C12orf50: variants seen among roughly 807,000 people sequenced by gnomAD.
C12orf50 encodes the protein zinc finger CCCH-type containing 11D, also known as uncharacterized protein C12orf50.
C12orf50 carries 35 observed loss-of-function variants against 61.6 expected under a neutral mutation model. The ratio of observed to expected loss-of-function variants is 0.57; its 90% confidence interval spans 0.43 to 0.75. The LOEUF is 0.75. Among genes scored for constraint, C12orf50 ranks in the 30% least tolerant of loss-of-function variants. The pLI, the probability that C12orf50 is intolerant of heterozygous loss-of-function variation, is 0.00. For synonymous variants in C12orf50, 178 were observed against 161.5 expected, an observed-to-expected ratio of 1.10 and a Z score of -0.77; for missense variants, 475 against 488.5, an observed-to-expected ratio of 0.97 and a Z score of 0.26.
intron 1 of C12orf50, among the ~76,000 whole-genome samples, chr12:88,028,479 G>A (rs2032786501): frequency 6.6e-6 from 1 of 152,006 alleles, no homozygotes; most frequent in Non-Finnish European, 1.5e-5. Flanking sequence ...ATACATTGGA[G>A]GAATTCTCAG....
At chr12:87,991,404 G>A (rs559184608) in intron 7 of C12orf50, among the ~76,000 whole-genome samples, 25 of 152,136 alleles carry the variant, frequency 1.6e-4, no homozygotes, top group African/African-American at 5.5e-4. Context: ...TCAAAATAGA[G>A]AACTGATGGA....
chr12:88,024,882 G>T (rs1462756073), intron 3 of C12orf50, among the ~76,000 whole-genome samples: 1 of 152,132 alleles, frequency 6.6e-6, no homozygotes, highest in East Asian at 1.9e-4. Context: ...TCCTGCTCGT[G>T]GTTCAAGTTA....
chr12:87,996,334 T>C (rs1321042188), intron 6 of C12orf50, 40 bp downstream of exon 6: 6 of 1,323,016 alleles, frequency 4.5e-6, no homozygotes, highest in Non-Finnish European at 5.4e-6. Context: ...ACCAAGTATA[T>C]GTTATAGATC....
chr12:88,003,847 T>TG (rs2031748213), intron 3 of C12orf50, among the ~76,000 whole-genome samples: 1 of 152,146 alleles, frequency 6.6e-6, no homozygotes, highest in Non-Finnish European at 1.5e-5. Context: ...GATTAATTTT[T>TG]TAATTAAATC....
intron 3 of C12orf50, among the ~76,000 whole-genome samples, chr12:88,017,243 G>A (rs2032345477): frequency 6.6e-6 from 1 of 152,118 alleles, no homozygotes; most frequent in Non-Finnish European, 1.5e-5. Flanking sequence ...GGTCTTTTCT[G>A]TGCCGTTCTC....
At chr12:88,012,336 A>G (rs149758374) in intron 3 of C12orf50, among the ~76,000 whole-genome samples, 15 of 152,278 alleles carry the variant, frequency 9.9e-5, no homozygotes, top group Non-Finnish European at 2.1e-4. Context: ...TCCCATAAAT[A>G]CCTCCATAGC....
At chr12:88,026,266 T>C (rs1036936613) in intron 3 of C12orf50, among the ~76,000 whole-genome samples, 2 of 152,212 alleles carry the variant, frequency 1.3e-5, no homozygotes, top group Non-Finnish European at 2.9e-5. Context: ...TAGATACACA[T>C]AGAGAAAGTT....
chr12:88,028,970 T>C lies in C12orf50; in HGVS notation c.-109+370A>G. On this transcript the variant is annotated intron_variant, in intron 1 of 12. Transcript: ENST00000298699. Reference sequence around the variant, plus strand: ...TATAAGATATCTTGCAAGAAAATAGTAAATTTTTGTTCAGCAATACAAGTT... The same window carrying C: ...TATAAGATATCTTGCAAGAAAATAGCAAATTTTTGTTCAGCAATACAAGTT... 5.5e-6 allele frequency: 3 copies of C among 541,524 alleles called. No individual in the cohort carries two copies. In the African/African-American group the frequency reaches 6.1e-5, roughly 11 times the overall value. 33.5% of individuals were successfully genotyped at this position (541,524 alleles called of 1,614,324 possible).
intron 3 of C12orf50, among the ~76,000 whole-genome samples, chr12:88,020,913 T>A (rs1007707147): frequency 2.6e-5 from 4 of 151,880 alleles, no homozygotes; most frequent in African/African-American, 9.7e-5. Flanking sequence ...TACATGGAAA[T>A]TAAACAACCT....
chr12:88,018,235 G>C (rs145368408), intron 3 of C12orf50, among the ~76,000 whole-genome samples: 5 of 152,320 alleles, frequency 3.3e-5, no homozygotes, highest in African/African-American at 1.2e-4. Context: ...CTGTGTCCCA[G>C]TCACTCCAAT....
intron 7 of C12orf50, among the ~76,000 whole-genome samples, chr12:87,993,973 G>A (rs1446947318): frequency 6.6e-6 from 1 of 152,094 alleles, no homozygotes; most frequent in African/African-American, 2.4e-5. Flanking sequence ...GCCAAGGCGG[G>A]CAAATCACCT....
intron 3 of C12orf50, 90 bp from the exon 4 acceptor site, chr12:87,998,280 A>G (rs1412086831): frequency 4.2e-6 from 4 of 954,218 alleles, no homozygotes; most frequent in Admixed American, 3.1e-5. Context: ...CTAATTAACT[A>G]TATATTATTT....
intron 3 of C12orf50, among the ~76,000 whole-genome samples, chr12:88,024,070 T>C (rs1411083960): frequency 6.6e-6 from 1 of 151,974 alleles, no homozygotes. Context: ...ATCAAAACCA[T>C]AATGAAATAC....
chr12:88,021,107 A>G (rs975193871), intron 3 of C12orf50, among the ~76,000 whole-genome samples: 8 of 152,194 alleles, frequency 5.3e-5, no homozygotes, highest in African/African-American at 1.2e-4. Flanking sequence ...ACAACTTAAC[A>G]TCACAACTAG....
intron 3 of C12orf50, among the ~76,000 whole-genome samples, chr12:88,011,463 T>C (rs1487513024): frequency 6.6e-6 from 1 of 152,100 alleles, no homozygotes; most frequent in Admixed American, 6.6e-5. Context: ...TTCTAAACAA[T>C]TGATAATGAT....
At chr12:88,000,614 C>G (rs1046326886) in intron 3 of C12orf50, among the ~76,000 whole-genome samples, 3 of 151,792 alleles carry the variant, frequency 2.0e-5, no homozygotes, top group African/African-American at 7.2e-5. Context: ...CTACATTAAA[C>G]CTGTGGATCA....
At chr12:87,996,793 CAT>C (rs1345664038) in intron 4 of C12orf50, 147 bp from the exon 5 acceptor site, 4 of 610,396 alleles carry the variant, frequency 6.6e-6, no homozygotes, top group Admixed American at 3.1e-5. Flanking sequence ...CATACTAGTA[CAT>C]GTTTCAAATT....
intron 3 of C12orf50, among the ~76,000 whole-genome samples, chr12:88,000,966 G>C (rs2031632355): frequency 6.6e-6 from 1 of 151,752 alleles, no homozygotes; most frequent in Non-Finnish European, 1.5e-5. Flanking sequence ...TATGCAAATA[G>C]AGATAATGTT....
At chr12:88,019,830 C>G (rs370455112) in intron 3 of C12orf50, among the ~76,000 whole-genome samples, 3 of 152,274 alleles carry the variant, frequency 2.0e-5, no homozygotes, top group Non-Finnish European at 2.9e-5. Flanking sequence ...ATCAGGCTAA[C>G]AGTGAACCTT....
Sources: allele counts gnomAD v4.1 joint callset (sites outside exome capture counted in the v4.1 genomes callset), GRCh38; gene constraint gnomAD v4.1.1; transcripts MANE v1.5; gene names NCBI Gene and HGNC (gene_info 2026-07-23, HGNC 2026-07-21).